Variants in ATG10 observed in about 807,000 individuals in gnomAD.
ATG10 encodes the protein autophagy related 10.
In ATG10, 30 loss-of-function variants were observed where a neutral mutation model predicts 32.1. That is an observed-to-expected ratio of 0.94 (90% CI 0.70 to 1.27). ATG10 has a LOEUF of 1.27. Ranked by LOEUF, ATG10 falls within the 50% of genes most tolerant of loss-of-function variation. The pLI, the probability that ATG10 is intolerant of heterozygous loss-of-function variation, is 0.00. For synonymous variants in ATG10, 87 were observed against 91.5 expected, an observed-to-expected ratio of 0.95 and a Z score of 0.28; for missense variants, 233 against 262.3, an observed-to-expected ratio of 0.89 and a Z score of 0.77.
chr5:82,225,872 A>T (rs1746111777), intron 5 of ATG10, among the ~76,000 whole-genome samples: 1 of 152,216 alleles, frequency 6.6e-6, no homozygotes, highest in Non-Finnish European at 1.5e-5. Context: ...TCTAGTGTGA[A>T]CCTAAGTCTG....
chr5:82,235,644 G>T (rs1332897957), intron 5 of ATG10, among the ~76,000 whole-genome samples: 1 of 152,174 alleles, frequency 6.6e-6, no homozygotes, highest in African/African-American at 2.4e-5. Context: ...CACTTGCAGG[G>T]GTTTGACTAG....
At chr5:82,111,875 T>A (rs1348727520) in intron 3 of ATG10, among the ~76,000 whole-genome samples, 1 of 151,962 alleles carries the variant, frequency 6.6e-6, no homozygotes, top group Non-Finnish European at 1.5e-5. Context: ...ATTTACAGCG[T>A]GATAGATGAT....
At chr5:82,176,469 A>C (rs1274256678) in intron 4 of ATG10, among the ~76,000 whole-genome samples, 2 of 152,180 alleles carry the variant, frequency 1.3e-5, no homozygotes, top group African/African-American at 4.8e-5. Flanking sequence ...TTGACGTGTA[A>C]AAATTATTTT....
At chr5:82,096,418 C>A (rs2149797875) in intron 3 of ATG10, among the ~76,000 whole-genome samples, 1 of 152,318 alleles carries the variant, frequency 6.6e-6, no homozygotes, top group South Asian at 2.1e-4. Flanking sequence ...CCCTCCCCCT[C>A]TGAATATTGC....
At position 82,060,738 on chromosome 5, in the gene ATG10, G is replaced by A. The variant is rs74365796; in HGVS notation, c.216+2136G>A. ...AATTTAGCCAGGTGTGGGGGCTTGC[G>A]CCTATGGTCCTAGCTACTCGGGAGG... On this transcript the variant is annotated intron_variant, in intron 3 of 7. Coordinates refer to ENST00000282185, the MANE Select transcript of ATG10 (RefSeq NM_031482.5). Among the ~76,000 whole-genome samples the A allele has an allele frequency of 9.3e-3, 1,412 of 152,142 alleles. 1 individual carries two copies. The highest frequency in any genetic ancestry group is 0.016 in the Admixed American group (248 of 15,274).
At chr5:82,123,005 G>C (rs1440442007) in intron 3 of ATG10, among the ~76,000 whole-genome samples, 1 of 152,192 alleles carries the variant, frequency 6.6e-6, no homozygotes, top group Non-Finnish European at 1.5e-5. Context: ...TCCCATCACT[G>C]GGTGTATATC....
intron 3 of ATG10, among the ~76,000 whole-genome samples, chr5:82,090,337 T>C (rs1764841410): frequency 6.6e-6 from 1 of 152,180 alleles, no homozygotes; most frequent in South Asian, 2.1e-4. Context: ...TTATTTGTAA[T>C]AGCCCAAACT....
chr5:81,977,415 C>T (rs1465692669), intron 1 of ATG10, among the ~76,000 whole-genome samples: 1 of 152,094 alleles, frequency 6.6e-6, no homozygotes, highest in Non-Finnish European at 1.5e-5. Context: ...TTTATTTTAC[C>T]TGGTCCCTCA....
rs1393812086 is a variant in ATG10 at position 82,094,517 on chromosome 5, A to T, written c.216+35915A>T. Among the ~76,000 whole-genome samples, 3 of 152,182 alleles carry T rather than the reference A, an allele frequency of 2.0e-5. No homozygotes were observed. In the East Asian group the frequency reaches 5.8e-4, roughly 29 times the overall value. ...TCTGGAATGCTATCTGGTAATATGT[A>T]TCACAATTTAAAATAGTTATTTGAT... is the stretch of plus-strand genomic sequence containing the variant. On this transcript the variant is annotated intron_variant, in intron 3 of 7. Transcript: ENST00000282185.
At chr5:82,224,069 C>T (rs1032107852) in intron 5 of ATG10, among the ~76,000 whole-genome samples, 3 of 152,102 alleles carry the variant, frequency 2.0e-5, no homozygotes, top group African/African-American at 7.2e-5. Flanking sequence ...CAAAGGATGA[C>T]CATGGGTCGA....
chr5:82,094,299 A>G (rs1230746140), intron 3 of ATG10, among the ~76,000 whole-genome samples: 1 of 152,244 alleles, frequency 6.6e-6, no homozygotes, highest in South Asian at 2.1e-4. Flanking sequence ...TAGTTGTTTC[A>G]GGTAGCAAGA....
At chr5:82,246,544 A>G (rs201716687) in intron 5 of ATG10, among the ~76,000 whole-genome samples, 1 of 124,264 alleles carries the variant, frequency 8.0e-6, no homozygotes, top group East Asian at 4.9e-4. Context: ...AGAAAAAAAG[A>G]AAAAAAATTA....
At chr5:82,102,815 G>C (rs1399159723) in intron 3 of ATG10, among the ~76,000 whole-genome samples, 1 of 152,068 alleles carries the variant, frequency 6.6e-6, no homozygotes, top group East Asian at 1.9e-4. Flanking sequence ...GTAAACCACT[G>C]TTGGATCCTA....
chr5:82,120,042 A>T (rs1445017602), intron 3 of ATG10, among the ~76,000 whole-genome samples: 1 of 151,132 alleles, frequency 6.6e-6, no homozygotes, highest in Admixed American at 6.6e-5. Flanking sequence ...ACCCGTGAAG[A>T]TCTGTTTTGT....
intron 5 of ATG10, among the ~76,000 whole-genome samples, chr5:82,193,499 AACCTCT>A (rs1744738161): frequency 6.6e-6 from 1 of 152,174 alleles, no homozygotes; most frequent in Non-Finnish European, 1.5e-5. Flanking sequence ...GCTAGGGTAA[AACCTCT>A]ACTGGAGGAT....
In ATG10 at chr5:81,984,104, G is replaced by A. The variant is rs566623218; in HGVS notation, c.-12-3455G>A. ...TGGGAGGTGGAGGCTGCAGCGAGCC[G>A]AGATCACGCCACTGCACTCCAGCCT... On this transcript the variant is annotated intron_variant, in intron 1 of 7. Coordinates refer to ENST00000282185, the MANE Select transcript of ATG10 (RefSeq NM_031482.5). Among the ~76,000 whole-genome samples the A allele has an allele frequency of 6.6e-5, 10 of 152,358 alleles. No homozygotes were observed. The East Asian group carries it at 9.7e-4, about 15-fold the overall frequency.
chr5:82,203,313 T>C (rs905975668), intron 5 of ATG10, among the ~76,000 whole-genome samples: 1 of 151,928 alleles, frequency 6.6e-6, no homozygotes, highest in African/African-American at 2.4e-5. Flanking sequence ...TTTGGTTGTT[T>C]ACCCTCCCTG....
At chr5:82,156,045 A>G (rs1412179243) in intron 3 of ATG10, among the ~76,000 whole-genome samples, 1 of 152,060 alleles carries the variant, frequency 6.6e-6, no homozygotes, top group East Asian at 1.9e-4. Flanking sequence ...GGAAATTTTT[A>G]TATAGGAGAA....
intron 3 of ATG10, among the ~76,000 whole-genome samples, chr5:82,156,752 A>C (rs1767814132): frequency 6.6e-6 from 1 of 152,206 alleles, no homozygotes; most frequent in Non-Finnish European, 1.5e-5. Flanking sequence ...CATGTTTTAC[A>C]TAAAGAATTT....
Sources: allele counts gnomAD v4.1 joint callset (sites outside exome capture counted in the v4.1 genomes callset), GRCh38; gene constraint gnomAD v4.1.1; transcripts MANE v1.5; gene names NCBI Gene and HGNC (gene_info 2026-07-23, HGNC 2026-07-21).